The following ELMO1 variants were observed in gnomAD, a reference collection of about 807,000 sequenced individuals.
The protein encoded by ELMO1 is engulfment and cell motility 1.
A neutral mutation model predicts 98.9 loss-of-function variants in ELMO1; 26 were observed. The observed-to-expected ratio is 0.26, with a 90% CI of 0.19 to 0.36. The LOEUF is 0.36. ELMO1 is among the 10% of genes least tolerant of loss of function. The probability of loss-of-function intolerance (pLI) is 1.00; values close to 1 mark genes in which losing one functional copy is unlikely to be tolerated. For synonymous variants in ELMO1, 346 were observed against 346.0 expected, an observed-to-expected ratio of 1.00 and a Z score of 0.00; for missense variants, 627 against 935.2, an observed-to-expected ratio of 0.67 and a Z score of 4.30.
intron 20 of ELMO1, among the ~76,000 whole-genome samples, chr7:36,868,892 G>A (rs543498762): frequency 1.3e-5 from 2 of 152,106 alleles, no homozygotes; most frequent in Non-Finnish European, 2.9e-5. Context: ...CAAGTGTTAC[G>A]TAACTGTGGG....
chr7:37,165,888 A>T (rs1292935659), intron 13 of ELMO1, among the ~76,000 whole-genome samples: 2 of 152,058 alleles, frequency 1.3e-5, no homozygotes, highest in Non-Finnish European at 2.9e-5. Context: ...TTTTATATTG[A>T]TTGGAATAGT....
chr7:37,203,145 C>T (rs1259717528), intron 13 of ELMO1, among the ~76,000 whole-genome samples: 2 of 152,190 alleles, frequency 1.3e-5, no homozygotes, highest in East Asian at 3.8e-4. Context: ...GATTTAGTGG[C>T]CTTTATTGAC....
At chr7:37,008,527 G>A (rs1184240913) in intron 16 of ELMO1, among the ~76,000 whole-genome samples, 1 of 151,742 alleles carries the variant, frequency 6.6e-6, no homozygotes, top group Non-Finnish European at 1.5e-5. Flanking sequence ...TGTGAAAAGG[G>A]CAATTTACTC....
chr7:37,124,047 C>G (rs149747017), intron 14 of ELMO1, among the ~76,000 whole-genome samples: 1 of 152,136 alleles, frequency 6.6e-6, no homozygotes, highest in Non-Finnish European at 1.5e-5. Flanking sequence ...CACATGATTA[C>G]CTCAACAGAT....
intron 16 of ELMO1, among the ~76,000 whole-genome samples, chr7:36,940,748 G>GT (rs1467875743): frequency 6.1e-4 from 93 of 152,326 alleles, no homozygotes; most frequent in African/African-American, 2.2e-3. Context: ...CTCTCACCAA[G>GT]TCAAACATTT....
At chr7:37,101,892 C>T (rs1784665807) in intron 14 of ELMO1, among the ~76,000 whole-genome samples, 1 of 152,106 alleles carries the variant, frequency 6.6e-6, no homozygotes, top group Admixed American at 6.5e-5. Context: ...GTGTTTCTGG[C>T]AATAAAGTCC....
At chr7:37,191,221 G>C (rs35492595) in intron 13 of ELMO1, among the ~76,000 whole-genome samples, 28,761 of 148,342 alleles carry the variant, frequency 0.19, 3,411 homozygotes, top group African/African-American at 0.33. Flanking sequence ...GAAAATATCT[G>C]GAAAGATATA....
At chr7:37,431,522 A>G (rs1215096488) in intron 1 of ELMO1, among the ~76,000 whole-genome samples, 1 of 152,166 alleles carries the variant, frequency 6.6e-6, no homozygotes, top group African/African-American at 2.4e-5. Context: ...AATCATAAAA[A>G]CAGTCATGGT....
At chr7:36,867,919 C>T (rs1245978526) in intron 20 of ELMO1, among the ~76,000 whole-genome samples, 1 of 152,060 alleles carries the variant, frequency 6.6e-6, no homozygotes, top group Non-Finnish European at 1.5e-5. Context: ...GCTTTACGGT[C>T]CAAAATGTGG....
At position 37,224,777 on chromosome 7, in the gene ELMO1, TACATTTA is replaced by T. The variant is rs1331755079; in HGVS notation, c.701+95_701+101del. ...ATGCCAAATTGAGATTCTTTTTCTG[TACATTTA>T]ACCAAACTATAACAACATAAAACGT... On this transcript the variant is annotated intron_variant, in intron 9 of 21. Transcript: ENST00000310758. 1.1e-5 allele frequency: 17 copies of T among 1,482,690 alleles called. No homozygotes were observed. In the East Asian group the frequency reaches 3.7e-4, roughly 32 times the overall value. 91.8% of individuals were successfully genotyped at this position (1,482,690 alleles called of 1,614,324 possible).
Position 37,271,823 on chromosome 7 carries a change from T to C in ELMO1, c.243+9A>G. ...GTTTGCTGGAAGTCAGAAGCTAAGA[T>C]CAACTTACTGGAGATGTGGTTAATC... On this transcript the variant is annotated intron_variant, in intron 5 of 21. Coordinates refer to ENST00000310758, the MANE Select transcript of ELMO1 (RefSeq NM_014800.11). 1 of 1,613,566 alleles carries C rather than the reference T, an allele frequency of 6.2e-7. No individual in the cohort carries two copies. Among genetic ancestry groups the C allele is most frequent in the East Asian group, 2.2e-5 (1 of 44,870 alleles).
intron 16 of ELMO1, among the ~76,000 whole-genome samples, chr7:36,951,133 T>G (rs1787930317): frequency 6.6e-6 from 1 of 152,200 alleles, no homozygotes; most frequent in South Asian, 2.1e-4. Flanking sequence ...CTTGGACCTG[T>G]GTATCAGCCT....
At chr7:37,060,911 A>T (rs1438009469) in intron 15 of ELMO1, among the ~76,000 whole-genome samples, 2 of 152,110 alleles carry the variant, frequency 1.3e-5, no homozygotes, top group Non-Finnish European at 2.9e-5. Context: ...AGAGACACAG[A>T]AGGTTTCTGT....
chr7:36,986,203 G>A, intron 16 of ELMO1: 1 of 985,578 alleles, frequency 1.0e-6, no homozygotes. Context: ...ATTGGCAGGA[G>A]TCGGGGAAAG....
At chr7:36,954,756 G>C (rs1188874795) in intron 16 of ELMO1, among the ~76,000 whole-genome samples, 1 of 152,152 alleles carries the variant, frequency 6.6e-6, no homozygotes, top group African/African-American at 2.4e-5. Flanking sequence ...TTTTAGGACA[G>C]TTTCTACAAG....
intron 16 of ELMO1, among the ~76,000 whole-genome samples, chr7:36,941,430 A>G (rs1787026578): frequency 6.6e-6 from 1 of 152,224 alleles, no homozygotes; most frequent in Admixed American, 6.5e-5. Context: ...AAAGAAAGGG[A>G]GTATGAGATA....
At chr7:37,130,525 G>C (rs982867074) in intron 14 of ELMO1, among the ~76,000 whole-genome samples, 11 of 152,198 alleles carry the variant, frequency 7.2e-5, no homozygotes, top group African/African-American at 2.7e-4. Flanking sequence ...CAGGTGTCAA[G>C]GGCAAGGCCA....
At chr7:37,354,264 T>C (rs1433931509) in intron 1 of ELMO1, among the ~76,000 whole-genome samples, 1 of 152,238 alleles carries the variant, frequency 6.6e-6, no homozygotes, top group Non-Finnish European at 1.5e-5. Context: ...AACCACTCTT[T>C]CCTTAAAACC....
chr7:37,399,503 C>A (rs1385205813), intron 1 of ELMO1, among the ~76,000 whole-genome samples: 2 of 152,186 alleles, frequency 1.3e-5, no homozygotes, highest in African/African-American at 4.8e-5. Flanking sequence ...GCCCAGCACA[C>A]GCAGGGTGGG....
Sources: allele counts gnomAD v4.1 joint callset (sites outside exome capture counted in the v4.1 genomes callset), GRCh38; gene constraint gnomAD v4.1.1; transcripts MANE v1.5; gene names NCBI Gene and HGNC (gene_info 2026-07-23, HGNC 2026-07-21).